The following ANKRD12 variants were observed in gnomAD, a reference collection of about 807,000 sequenced individuals.
The protein encoded by ANKRD12 is ankyrin repeat domain-containing protein 12.
ANKRD12 carries 85 observed loss-of-function variants against 183.4 expected under a neutral mutation model. The ratio of observed to expected loss-of-function variants is 0.46; its 90% CI spans 0.39 to 0.56. The LOEUF (loss-of-function observed/expected upper bound fraction) is 0.56, where lower values mean the gene tolerates loss of function less well. Among genes scored for constraint, ANKRD12 ranks in the 20% least tolerant of loss-of-function variants. The pLI is 0.00. For synonymous variants in ANKRD12, 914 were observed against 800.2 expected, an observed-to-expected ratio of 1.14 and a Z score of -2.40; for missense variants, 2,405 against 2,357.1, an observed-to-expected ratio of 1.02 and a Z score of -0.42.
intron 8 of ANKRD12, among the ~76,000 whole-genome samples, chr18:9,239,888 G>A (rs1221343516): frequency 2.0e-5 from 3 of 152,184 alleles, no homozygotes; most frequent in African/African-American, 7.2e-5. Context: ...CATTCTAAAT[G>A]TGGTTTATTC....
intron 5 of ANKRD12, among the ~76,000 whole-genome samples, chr18:9,210,035 G>A (rs533819897): frequency 6.6e-6 from 1 of 152,008 alleles, no homozygotes; most frequent in South Asian, 2.1e-4. Flanking sequence ...ATAAATAGGA[G>A]TACACTATAA....
At chr18:9,260,569 A>G (rs146548011) in intron 9 of ANKRD12, among the ~76,000 whole-genome samples, 121 of 152,304 alleles carry the variant, frequency 7.9e-4, no homozygotes, top group Non-Finnish European at 1.4e-3. Flanking sequence ...CACTGATTAC[A>G]CACTACAGAA....
At chr18:9,198,778 T>C (rs1294034726) in intron 3 of ANKRD12, among the ~76,000 whole-genome samples, 1 of 151,992 alleles carries the variant, frequency 6.6e-6, no homozygotes, top group African/African-American at 2.4e-5. Flanking sequence ...ACTCCCGACC[T>C]CAAGTGATCT....
rs149112605 is a variant in ANKRD12, at chr18:9,138,195, TA to T, written c.-52+1231del. Reference sequence around the variant, plus strand: ...AGAAAGGCTAGTGAAATAGCTATTTTATCGTAAATTAACTGTGTATTAAAAA... The same window carrying T: ...AGAAAGGCTAGTGAAATAGCTATTTTTCGTAAATTAACTGTGTATTAAAAA... On this transcript the variant is annotated intron_variant, in intron 1 of 12. Transcript: ENST00000262126. Among the ~76,000 whole-genome samples the T allele has an allele frequency of 7.2e-5, 11 of 152,342 alleles. No individual in the cohort carries two copies. The East Asian group carries it at 2.1e-3, about 29-fold the overall frequency.
chr18:9,245,307 C>T (rs2037896464), intron 8 of ANKRD12, among the ~76,000 whole-genome samples: 1 of 151,482 alleles, frequency 6.6e-6, no homozygotes, highest in African/African-American at 2.4e-5. Flanking sequence ...AAAAATTAGC[C>T]AAGCTTGGTG....
At chr18:9,221,130 T>C (rs2036397226) in intron 7 of ANKRD12, among the ~76,000 whole-genome samples, 1 of 152,134 alleles carries the variant, frequency 6.6e-6, no homozygotes, top group African/African-American at 2.4e-5. Flanking sequence ...GATTGGCTTC[T>C]AAAAAGGAGC....
Position 9,221,845 on chromosome 18 carries a change from G to C in ANKRD12, c.796-7G>C, listed in dbSNP as rs1313667749. 3 of 1,613,212 alleles carry C rather than the reference G, an allele frequency of 1.9e-6. No homozygotes were observed. Among genetic ancestry groups the C allele is most frequent in the Admixed American group, 3.3e-5 (2 of 59,870 alleles). The stretch of plus-strand genomic sequence containing the variant: ...GGACTAAGTCTTCCTGCTTTTTATT[G>C]TTGCAGATAGTAAAGCTGTTACTTC... On this transcript the variant is annotated splice_region_variant and splice_polypyrimidine_tract_variant and intron_variant, in intron 7 of 12. Transcript: ENST00000262126.
At position 9,257,060 on chromosome 18, in the gene ANKRD12, A is replaced by T. The variant is rs780373803; in HGVS notation, c.3793A>T (p.Ser1265Cys). 2.5e-6 allele frequency: 4 copies of T among 1,614,168 alleles called. No individual in the cohort carries two copies. Among genetic ancestry groups the T allele is most frequent in the Non-Finnish European group, 3.4e-6 (4 of 1,179,998 alleles). ...SPALHERELD[S>C]LADLPERIKP... ...TGCTCTTCATGAAAGGGAATTGGAC[A>T]GCCTGGCTGACTTGCCGGAGCGGAT... Residue 1265 changes from serine to cysteine, a missense_variant, in exon 9 of 13, where the codon AGC (serine) becomes TGC (cysteine). Physicochemically the swap from Ser to Cys is moderately radical, Grantham distance 112. Coordinates refer to ENST00000262126, the MANE Select transcript of ANKRD12 (RefSeq NM_015208.5).
chr18:9,253,618 A>G (rs2038426179), intron 8 of ANKRD12, among the ~76,000 whole-genome samples: 1 of 152,178 alleles, frequency 6.6e-6, no homozygotes, highest in African/African-American at 2.4e-5. Flanking sequence ...TATCTTGGCT[A>G]TTGTGAATAG....
intron 1 of ANKRD12, among the ~76,000 whole-genome samples, chr18:9,172,966 A>G (rs763258089): frequency 3.3e-5 from 5 of 151,596 alleles, no homozygotes; most frequent in African/African-American, 1.2e-4. Flanking sequence ...CAGTGGCACA[A>G]TCCCAGCTTA....
intron 12 of ANKRD12, 95 bp downstream of exon 12, chr18:9,279,739 G>A: frequency 1.5e-6 from 1 of 682,082 alleles, no homozygotes; most frequent in Non-Finnish European, 2.5e-6. Flanking sequence ...TAATTAGGAG[G>A]GGAAATACTG....
intron 2 of ANKRD12, among the ~76,000 whole-genome samples, chr18:9,189,855 A>G (rs1466009549): frequency 6.6e-6 from 1 of 152,348 alleles, no homozygotes; most frequent in East Asian, 1.9e-4. Flanking sequence ...TGACAGAGAC[A>G]TACAAAGAGA....
At chr18:9,247,782 TTTTTG>T (rs201710394) in intron 8 of ANKRD12, among the ~76,000 whole-genome samples, 8,333 of 151,370 alleles carry the variant, frequency 0.055, 282 homozygotes, top group African/African-American at 0.1. Flanking sequence ...TTTTGGGGTT[TTTTTG>T]TTTTGTTTTG....
intron 1 of ANKRD12, among the ~76,000 whole-genome samples, chr18:9,173,361 G>A (rs762351661): frequency 6.6e-6 from 1 of 152,066 alleles, no homozygotes; most frequent in Non-Finnish European, 1.5e-5. Flanking sequence ...GAGCCACCAC[G>A]CCTGGCCAGT....
intron 1 of ANKRD12, among the ~76,000 whole-genome samples, chr18:9,163,681 CGTTT>C (rs1200444533): frequency 3.3e-5 from 5 of 152,056 alleles, no homozygotes; most frequent in Non-Finnish European, 7.4e-5. Flanking sequence ...AATGTTTTTC[CGTTT>C]GTTTGTGTCC....
At chr18:9,160,873 TGAAA>T (rs1321240031) in intron 1 of ANKRD12, among the ~76,000 whole-genome samples, 5 of 152,216 alleles carry the variant, frequency 3.3e-5, no homozygotes, top group Admixed American at 2.6e-4. Flanking sequence ...AGGGTTGAAA[TGAAA>T]GAAATCATTT....
Position 9,258,015 on chromosome 18 carries a change from C to A in ANKRD12, c.4748C>A (p.Pro1583His), listed in dbSNP as rs774818423. ...SPNFEKAYTL[P>H]VLPSEKDFNG... ...AACTTTGAGAAAGCTTATACTTTAC[C>A]TGTGTTACCATCAGAAAAGGACTTT... The change falls in exon 9 of 13, where the codon CCT becomes CAT. Residue 1583 changes from proline (P) to histidine (H), a missense_variant. Pro to His is a moderately conservative substitution (Grantham distance 77, BLOSUM62 -2). Coordinates refer to ENST00000262126, the MANE Select transcript of ANKRD12 (RefSeq NM_015208.5). 1.2e-6 allele frequency: 2 copies of A among 1,613,602 alleles called. No homozygotes were observed. The highest frequency in any genetic ancestry group is 2.7e-5 in the African/African-American group (2 of 74,894).
chr18:9,185,312 TAGG>T (rs2033972485), intron 2 of ANKRD12, among the ~76,000 whole-genome samples: 2 of 152,070 alleles, frequency 1.3e-5, no homozygotes, highest in Non-Finnish European at 2.9e-5. Flanking sequence ...AAAATATAAG[TAGG>T]AGGCAGTGTG....
intron 8 of ANKRD12, 137 bp downstream of exon 8, chr18:9,222,136 TAGCTAAGA>T: frequency 1.9e-6 from 2 of 1,057,556 alleles, no homozygotes; most frequent in South Asian, 3.2e-5. Context: ...CTTAGCTAAC[TAGCTAAGA>T]ATGATGAAGT....
Sources: allele counts gnomAD v4.1 joint callset (sites outside exome capture counted in the v4.1 genomes callset), GRCh38; gene constraint gnomAD v4.1.1; transcripts MANE v1.5; gene names NCBI Gene and HGNC (gene_info 2026-07-23, HGNC 2026-07-21).